Variants in GARNL3 observed in about 807,000 individuals in gnomAD.
GARNL3 encodes the protein GTPase-activating Rap/Ran-GAP domain-like protein 3.
A neutral mutation model predicts 125.0 loss-of-function variants in GARNL3; 63 were observed. The observed-to-expected ratio is 0.50, with a 90% CI of 0.41 to 0.62. GARNL3 has a LOEUF of 0.62. Among genes scored for constraint, GARNL3 ranks in the 20% least tolerant of loss-of-function variants. The pLI is 0.00. For synonymous variants in GARNL3, 439 were observed against 457.5 expected (o/e 0.96, Z 0.52); for missense variants, 994 against 1,244.0 (o/e 0.80, Z 3.02).
At chr9:127,239,228 A>T (rs1439068826) in intron 1 of GARNL3, among the ~76,000 whole-genome samples, 1 of 152,178 alleles carries the variant, frequency 6.6e-6, no homozygotes, top group East Asian at 1.9e-4. Context: ...ATCTTTCAAG[A>T]GATCTAAGTG....
At chr9:127,352,798 A>C (rs1338028148) in intron 17 of GARNL3, among the ~76,000 whole-genome samples, 1 of 152,122 alleles carries the variant, frequency 6.6e-6, no homozygotes, top group Non-Finnish European at 1.5e-5. Context: ...TGAACTCCCA[A>C]CCACACTTAG....
At chr9:127,321,847 G>A (rs75241205) in intron 6 of GARNL3, among the ~76,000 whole-genome samples, 3 of 152,262 alleles carry the variant, frequency 2.0e-5, no homozygotes, top group Admixed American at 6.5e-5. Context: ...AGGGAGCATC[G>A]TGCTCAAATT....
Position 127,357,338 on chromosome 9 carries a change from A to AG in GARNL3, c.2057dup (p.Glu687ArgfsTer14). On this transcript the variant is annotated frameshift_variant, in exon 21 of 28. Transcript: ENST00000373387. LOFTEE classifies it high-confidence loss of function. ...AATTTGATGTGGTGAATGAGAGCAC[A>AG]GGAGAAGCCTTCAGGCTGCACCACG... 1 of 1,614,200 alleles carries AG rather than the reference A, an allele frequency of 6.2e-7. No homozygotes were observed. The highest frequency in any genetic ancestry group is 8.5e-7 in the Non-Finnish European group (1 of 1,180,046).
intron 2 of GARNL3, among the ~76,000 whole-genome samples, chr9:127,301,477 A>C (rs375552594): frequency 1.3e-5 from 2 of 152,306 alleles, no homozygotes; most frequent in East Asian, 3.9e-4. Flanking sequence ...CCTCAGCTCT[A>C]CCACTCTCTA....
chr9:127,243,372 G>C, intron 2 of GARNL3: 2 of 708,516 alleles, frequency 2.8e-6, no homozygotes, highest in Non-Finnish European at 4.2e-6. Context: ...GGAGAGAGGA[G>C]TGGATGTTTG....
intron 7 of GARNL3, among the ~76,000 whole-genome samples, chr9:127,330,109 C>G (rs138914863): frequency 2.4e-3 from 373 of 152,330 alleles, no homozygotes; most frequent in African/African-American, 8.7e-3. Context: ...ATTGAAAACT[C>G]CTGGGGTGGA....
chr9:127,308,423 A>G (rs1321208095), intron 2 of GARNL3, among the ~76,000 whole-genome samples: 1 of 152,194 alleles, frequency 6.6e-6, no homozygotes, highest in African/African-American at 2.4e-5. Context: ...AAAATTACCT[A>G]TTGGGTATTA....
chr9:127,322,643 C>T (rs2065438678), intron 6 of GARNL3, among the ~76,000 whole-genome samples: 1 of 152,138 alleles, frequency 6.6e-6, no homozygotes, highest in South Asian at 2.1e-4. Flanking sequence ...GCTGTCATCA[C>T]ATTTCTGTAG....
intron 22 of GARNL3, among the ~76,000 whole-genome samples, chr9:127,378,174 C>G (rs1425666627): frequency 1.4e-5 from 2 of 145,542 alleles, no homozygotes; most frequent in African/African-American, 5.1e-5. Flanking sequence ...CAGGGAGGCA[C>G]AGGATGCAAT....
intron 22 of GARNL3, chr9:127,367,400 T>C (rs910294774): frequency 6.6e-6 from 1 of 152,208 alleles, no homozygotes; most frequent in South Asian, 2.1e-4. Flanking sequence ...AAAATAAACT[T>C]TATGTGGAGG....
chr9:127,236,788 T>C (rs890537370), intron 1 of GARNL3, among the ~76,000 whole-genome samples: 7 of 152,240 alleles, frequency 4.6e-5, no homozygotes, highest in Non-Finnish European at 8.8e-5. Flanking sequence ...TTCCTAGTGC[T>C]TTGAGCAGGC....
At position 127,339,669 on chromosome 9, in the gene GARNL3, C is replaced by T. The variant is rs138815186; in HGVS notation, c.1053C>T (p.Ser351=). The change falls in exon 13 of 28, where the codon AGC becomes AGT. Residue 351 remains serine (S), a synonymous_variant. Transcript: ENST00000373387. Reference sequence around the variant, plus strand: ...GGCTGAAAATATTTTCAGAAGAGAGCGTACCACTCTTTGGCCCTCCCTTGC... The same window carrying T: ...GGCTGAAAATATTTTCAGAAGAGAGTGTACCACTCTTTGGCCCTCCCTTGC... The part of the protein sequence containing the change: ...NYRLKIFSEE[S]VPLFGPPLPT... 81 of 1,612,184 alleles carry T rather than the reference C, an allele frequency of 5.0e-5. No individual in the cohort carries two copies. The East Asian group carries it at 1.5e-3, about 31-fold the overall frequency.
rs765686147 is a variant in GARNL3, at chr9:127,389,071, C to T, written c.2695C>T (p.Arg899Cys). 8.1e-6 allele frequency: 13 copies of T among 1,614,034 alleles called. No homozygotes were observed. Among genetic ancestry groups the T allele is most frequent in the African/African-American group, 1.3e-5 (1 of 74,904 alleles). ...AGTCACGCACTCCTTGTCCCTGTCT[C>T]GCATGGAGATCAAAGAAATAGCAAG... is the stretch of plus-strand genomic sequence containing the variant. ...IPVTHSLSLS[R>C]MEIKEIASRT... is the part of the protein sequence containing the mutation. The change falls in exon 26 of 28, where the codon CGC (arginine) becomes TGC (cysteine). Residue 899 changes from arginine (R) to cysteine (C), a missense_variant. Arg to Cys is a radical substitution (Grantham distance 180). Coordinates refer to ENST00000373387, the MANE Select transcript of GARNL3 (RefSeq NM_032293.5).
intron 19 of GARNL3, 68 bp downstream of exon 19, chr9:127,354,478 C>A: frequency 5.6e-6 from 5 of 900,528 alleles, no homozygotes; most frequent in South Asian, 4.7e-5. Flanking sequence ...CCAGGTTTTA[C>A]TGAAAATAAA....
intron 5 of GARNL3, among the ~76,000 whole-genome samples, chr9:127,319,182 T>A (rs533510180): frequency 1.3e-5 from 2 of 152,280 alleles, no homozygotes; most frequent in Admixed American, 6.5e-5. Context: ...GGACTGCATC[T>A]GGCTGACTGA....
intron 22 of GARNL3, among the ~76,000 whole-genome samples, chr9:127,380,969 C>T (rs997256941): frequency 5.3e-5 from 8 of 152,198 alleles, no homozygotes; most frequent in Non-Finnish European, 2.9e-5. Flanking sequence ...ACCTCTACCC[C>T]CCGGGTTCAA....
intron 2 of GARNL3, among the ~76,000 whole-genome samples, chr9:127,243,611 TAC>T (rs1453579453): frequency 6.6e-6 from 1 of 152,204 alleles, no homozygotes; most frequent in African/African-American, 2.4e-5. Context: ...AATAAACATT[TAC>T]AGAATGCCTT....
At chr9:127,358,035 G>A (rs1830781932) in intron 21 of GARNL3, among the ~76,000 whole-genome samples, 1 of 151,914 alleles carries the variant, frequency 6.6e-6, no homozygotes, top group Admixed American at 6.6e-5. Context: ...GATTTGCCCT[G>A]AGAGTCTACA....
intron 22 of GARNL3, among the ~76,000 whole-genome samples, chr9:127,370,575 G>T (rs1341601266): frequency 6.6e-6 from 1 of 152,180 alleles, no homozygotes; most frequent in African/African-American, 2.4e-5. Flanking sequence ...CCAAACCTGT[G>T]CCCTGTATCA....
Sources: gnomAD v4.1 joint callset for allele counts (sites outside exome capture counted in the v4.1 genomes callset) on GRCh38, gnomAD v4.1.1 for gene constraint, MANE v1.5 for transcripts, NCBI Gene and HGNC (gene_info 2026-07-23, HGNC 2026-07-21) for gene names.